Variants in RAB11A observed in about 807,000 individuals in gnomAD.
The protein encoded by RAB11A is RAB11A, member RAS oncogene family.
In RAB11A, 9 loss-of-function variants were observed where a neutral mutation model predicts 28.0. The observed-to-expected ratio is 0.32, with a 90% CI of 0.19 to 0.56. The LOEUF (loss-of-function observed/expected upper bound fraction) is 0.56. Ranked by LOEUF, RAB11A falls within the 20% of genes least tolerant of loss-of-function variation. RAB11A has a pLI of 0.91. For synonymous variants in RAB11A, 85 were observed against 88.2 expected, an observed-to-expected ratio of 0.96 and a Z score of 0.20; for missense variants, 108 against 269.6, an observed-to-expected ratio of 0.40 and a Z score of 4.20.
intron 1 of RAB11A, among the ~76,000 whole-genome samples, chr15:65,871,775 G>T (rs549304381): frequency 1.3e-5 from 2 of 152,124 alleles, no homozygotes; most frequent in South Asian, 4.2e-4. Context: ...TAACTTTTCT[G>T]AGTCTCAGTT....
At chr15:65,885,665 C>T (rs989460604) in intron 4 of RAB11A, among the ~76,000 whole-genome samples, 2 of 152,126 alleles carry the variant, frequency 1.3e-5, no homozygotes, top group Non-Finnish European at 2.9e-5. Flanking sequence ...AAGAATCCTG[C>T]TTTATCATTT....
chr15:65,874,153 T>C (rs1311987828), intron 1 of RAB11A, among the ~76,000 whole-genome samples: 1 of 152,162 alleles, frequency 6.6e-6, no homozygotes, highest in African/African-American at 2.4e-5. Context: ...TCTGCTTTTA[T>C]GCATTTAGCA....
At chr15:65,881,199 G>A (rs559108792) in intron 4 of RAB11A, among the ~76,000 whole-genome samples, 2 of 152,304 alleles carry the variant, frequency 1.3e-5, no homozygotes, top group Middle Eastern at 3.4e-3. Context: ...CTCTGTCAAA[G>A]TTTCACTGCA....
chr15:65,872,831 A>G (rs1190357381), intron 1 of RAB11A, among the ~76,000 whole-genome samples: 1 of 152,208 alleles, frequency 6.6e-6, no homozygotes, highest in African/African-American at 2.4e-5. Flanking sequence ...TCTTATTTAT[A>G]CAAGTATCCT....
At chr15:65,875,501 A>C (rs1179883265) in intron 1 of RAB11A, among the ~76,000 whole-genome samples, 1 of 152,196 alleles carries the variant, frequency 6.6e-6, no homozygotes, top group African/African-American at 2.4e-5. Flanking sequence ...TTTGTACATC[A>C]CTTTAATAAC....
chr15:65,885,140 T>G (rs2078248466), intron 4 of RAB11A, among the ~76,000 whole-genome samples: 1 of 150,730 alleles, frequency 6.6e-6, no homozygotes, highest in Non-Finnish European at 1.5e-5. Context: ...ACAGTTTTTT[T>G]TTTTTTTTTT....
chr15:65,883,859 T>C (rs370994215), intron 4 of RAB11A, among the ~76,000 whole-genome samples: 1 of 152,170 alleles, frequency 6.6e-6, no homozygotes, highest in South Asian at 2.1e-4. Flanking sequence ...ATTCTGCTTT[T>C]GGTATGTCAG....
rs574189619 is a variant in RAB11A at position 65,879,252 on chromosome 15, T to G, written c.431-419T>G. 3.3e-5 allele frequency among the ~76,000 whole-genome samples: 5 copies of G among 152,266 alleles called. No individual in the cohort carries two copies. In the South Asian group the frequency reaches 1.0e-3, roughly 32 times the overall value. ...GTCTTGAACTCCTGGGCTCAAGCAA[T>G]CCGCCTGCCTTGGCCTGCCAAAGTC... On this transcript the variant is annotated intron_variant, in intron 3 of 4. Coordinates refer to ENST00000261890, the MANE Select transcript of RAB11A (RefSeq NM_004663.5).
At chr15:65,869,840 C>T (rs1049977659) in intron 1 of RAB11A, among the ~76,000 whole-genome samples, 5 of 152,214 alleles carry the variant, frequency 3.3e-5, no homozygotes, top group Non-Finnish European at 5.9e-5. Context: ...TCTCCATAGG[C>T]CTTCGCTGGC....
At chr15:65,882,983 T>A (rs377025951) in intron 4 of RAB11A, among the ~76,000 whole-genome samples, 4 of 152,366 alleles carry the variant, frequency 2.6e-5, no homozygotes, top group East Asian at 1.9e-4. Context: ...TGTCCTTTTC[T>A]TTCTCTTCGC....
At chr15:65,875,722 G>A (rs554540910) in intron 1 of RAB11A, among the ~76,000 whole-genome samples, 1 of 152,324 alleles carries the variant, frequency 6.6e-6, no homozygotes, top group Non-Finnish European at 1.5e-5. Context: ...ACTGTCCAGA[G>A]GCTAGCTTAT....
At chr15:65,876,959 C>G (rs1426672824) in intron 1 of RAB11A, among the ~76,000 whole-genome samples, 1 of 152,146 alleles carries the variant, frequency 6.6e-6, no homozygotes, top group East Asian at 1.9e-4. Flanking sequence ...TAGGATTTAT[C>G]TTTGAAGTTG....
At chr15:65,871,527 A>G (rs991751784) in intron 1 of RAB11A, among the ~76,000 whole-genome samples, 16 of 152,240 alleles carry the variant, frequency 1.1e-4, no homozygotes, top group Non-Finnish European at 2.4e-4. Flanking sequence ...TTAATTCAGA[A>G]CAAGATAGAC....
In RAB11A at chr15:65,889,674, A is replaced by T. The variant is rs1176941830; in HGVS notation, c.*1834A>T. The T allele has an allele frequency of 6.6e-6, 1 of 152,244 alleles. No individual in the cohort carries two copies. Among genetic ancestry groups the T allele is most frequent in the African/African-American group, 2.4e-5 (1 of 41,468 alleles). 9.4% of individuals were successfully genotyped at this position (152,244 alleles called of 1,614,324 possible). ...GAAAGTAGTGTGTATTTTCATATAT[A>T]ACAGTGTCACCAGACCCAGGAAAAG... On this transcript the variant is annotated 3_prime_UTR_variant, in exon 5 of 5. Coordinates refer to ENST00000261890, the MANE Select transcript of RAB11A (RefSeq NM_004663.5).
At position 65,889,147 on chromosome 15, in the gene RAB11A, A is replaced by G. The variant is rs2078271140; in HGVS notation, c.*1307A>G. On this transcript the variant is annotated 3_prime_UTR_variant, in exon 5 of 5. Coordinates refer to ENST00000261890, the MANE Select transcript of RAB11A (RefSeq NM_004663.5). ...AAGTTGTGTCAACTGCAGTGATACT[A>G]TTCAGGATGGTGGGAAATCCCCAAA... 6.5e-6 allele frequency: 1 copy of G among 152,680 alleles called. No individual in the cohort carries two copies. Among genetic ancestry groups the G allele is most frequent in the Non-Finnish European group, 1.5e-5 (1 of 68,040 alleles). The allele number at this position is 152,680 out of a possible 1,614,324, so 9.5% of individuals were successfully genotyped here.
chr15:65,885,369 G>A (rs59320189), intron 4 of RAB11A, among the ~76,000 whole-genome samples: 1,675 of 151,856 alleles, frequency 0.011, 37 homozygotes, highest in African/African-American at 0.038. Context: ...CTCGTGATCC[G>A]CCCGCCTTGG....
At position 65,888,417 on chromosome 15, in the gene RAB11A, G is replaced by A. The variant is rs776574841; in HGVS notation, c.*577G>A. ...TTTTTTAATTTTTGTAAGCATCAAA[G>A]TTGATTAGAGAGGGGGGCACTTTTT... On this transcript the variant is annotated 3_prime_UTR_variant, in exon 5 of 5. Coordinates refer to ENST00000261890, the MANE Select transcript of RAB11A (RefSeq NM_004663.5). 6.6e-6 allele frequency: 1 copy of A among 152,600 alleles called. No individual in the cohort carries two copies. The highest frequency in any genetic ancestry group is 2.1e-4 in the South Asian group (1 of 4,822). 9.5% of individuals were successfully genotyped at this position (152,600 alleles called of 1,614,324 possible). A position where few individuals can be genotyped will look rare whatever the true frequency, so the allele number is the denominator to read the frequency against.
In RAB11A at chr15:65,889,564, A is replaced by G. The variant is rs1296576436; in HGVS notation, c.*1724A>G. On this transcript the variant is annotated 3_prime_UTR_variant, in exon 5 of 5. Coordinates refer to ENST00000261890, the MANE Select transcript of RAB11A (RefSeq NM_004663.5). ...ATTACTGAGTAAACATTGAATTGGG[A>G]GCATCAGTGTGTGAATTCAGCTTTG... is the stretch of plus-strand genomic sequence containing the variant. 6.6e-6 allele frequency: 1 copy of G among 152,152 alleles called. No individual in the cohort carries two copies. The highest frequency in any genetic ancestry group is 1.5e-5 in the Non-Finnish European group (1 of 68,034). The allele number at this position is 152,152 out of a possible 1,614,324, so 9.4% of individuals were successfully genotyped here.
intron 4 of RAB11A, among the ~76,000 whole-genome samples, chr15:65,884,118 G>A (rs12900019): frequency 0.014 from 2,048 of 150,494 alleles, 15 homozygotes; most frequent in East Asian, 0.023. Flanking sequence ...AAGACAACTA[G>A]GATTCAATAA....
Sources: allele counts gnomAD v4.1 joint callset (sites outside exome capture counted in the v4.1 genomes callset), GRCh38; gene constraint gnomAD v4.1.1; transcripts MANE v1.5; gene names NCBI Gene and HGNC (gene_info 2026-07-23, HGNC 2026-07-21).